Variants in PTPN21 observed in about 807,000 individuals in gnomAD.
The protein encoded by PTPN21 is protein tyrosine phosphatase non-receptor type 21.
A neutral mutation model predicts 131.8 loss-of-function variants in PTPN21; 77 were observed. The observed-to-expected ratio is 0.58, with a 90% confidence interval of 0.49 to 0.71. The LOEUF is 0.71. Among genes scored for constraint, PTPN21 ranks in the 30% least tolerant of loss-of-function variants. The probability of loss-of-function intolerance (pLI) is 0.00; values close to 1 mark genes in which losing one functional copy is unlikely to be tolerated. For missense variants in PTPN21, 1,552 were observed against 1,527.1 expected (o/e 1.02, Z -0.27); for synonymous variants, 715 against 621.3 (o/e 1.15, Z -2.24).
intron 2 of PTPN21, among the ~76,000 whole-genome samples, chr14:88,529,946 A>G (rs2139337463): frequency 6.6e-6 from 1 of 151,904 alleles, no homozygotes; most frequent in South Asian, 2.1e-4. Context: ...CACACCATGC[A>G]CTTCAGTCTG....
chr14:88,506,291 G>A (rs925922516), intron 4 of PTPN21, among the ~76,000 whole-genome samples: 3 of 152,192 alleles, frequency 2.0e-5, no homozygotes, highest in Admixed American at 6.5e-5. Context: ...AGTGCGCCAC[G>A]ATCACATCAC....
chr14:88,526,393 C>T (rs2078475796), intron 2 of PTPN21, among the ~76,000 whole-genome samples: 1 of 151,410 alleles, frequency 6.6e-6, no homozygotes. Context: ...ACTAAAAATA[C>T]AAAAAACTTA....
In PTPN21 at chr14:88,478,796, C is replaced by A. The variant is rs573823667; in HGVS notation, c.2511+124G>T. 4 of 526,474 alleles carry A rather than the reference C, an allele frequency of 7.6e-6. No homozygotes were observed. The South Asian group carries it at 2.5e-4, about 33-fold the overall frequency. The allele number at this position is 526,474 out of a possible 1,614,324, so 32.6% of individuals were successfully genotyped here. A position where few individuals can be genotyped will look rare whatever the true frequency, so the allele number is the denominator to read the frequency against. On this transcript the variant is annotated intron_variant, in intron 13 of 18. Transcript: ENST00000556564. ...TCAGAATTAGACAAAAAGAGAGTGACGTGGGGGAATGAAGAACGTTAAAAG... is the reference window on the plus strand; with the variant it reads ...TCAGAATTAGACAAAAAGAGAGTGAAGTGGGGGAATGAAGAACGTTAAAAG...
intron 2 of PTPN21, among the ~76,000 whole-genome samples, chr14:88,518,181 T>TCTGGGCAACAGAGTGAGC (rs1262676048): frequency 8.4e-6 from 1 of 119,678 alleles, no homozygotes; most frequent in Non-Finnish European, 1.7e-5. Flanking sequence ...CTGTTGTTCT[T>TCTGGGCAACAGAGTGAGC]CTGGGCAACA....
chr14:88,483,736 C>CT (rs1177894187), intron 12 of PTPN21, among the ~76,000 whole-genome samples: 2 of 152,194 alleles, frequency 1.3e-5, no homozygotes, highest in African/African-American at 4.8e-5. Flanking sequence ...ATCCACCCAT[C>CT]TTTTCAGATA....
intron 2 of PTPN21, among the ~76,000 whole-genome samples, chr14:88,525,725 A>G (rs1395708465): frequency 6.6e-6 from 1 of 152,226 alleles, no homozygotes; most frequent in Non-Finnish European, 1.5e-5. Context: ...ACTGAAAAAC[A>G]GGTGCTCAAG....
At chr14:88,496,380 T>C in intron 10 of PTPN21, 33 bp downstream of exon 10, 1 of 1,535,000 alleles carries the variant, frequency 6.5e-7, no homozygotes, top group Non-Finnish European at 9.0e-7. Context: ...AATTCATTAT[T>C]TTTGATAATT....
chr14:88,476,248 A>G (rs917871532), intron 13 of PTPN21, among the ~76,000 whole-genome samples: 15 of 152,248 alleles, frequency 9.9e-5, no homozygotes, highest in Admixed American at 3.9e-4. Context: ...ATGAAAGGTC[A>G]GAGGGTACAA....
At position 88,541,856 on chromosome 14, in the gene PTPN21, G is replaced by A. The variant is rs190219005; in HGVS notation, c.180+8382C>T. Among the ~76,000 whole-genome samples the A allele has an allele frequency of 1.1e-3, 161 of 152,328 alleles. 2 individuals are homozygous for A. In the East Asian group the frequency reaches 0.023, roughly 22 times the overall value. On this transcript the variant is annotated intron_variant, in intron 2 of 18. Transcript: ENST00000556564. ...CTTCCAGCATCTTTCACTCTGGGAA[G>A]TAGAAGACCAGGGAAGAAAGATCCT... is the stretch of plus-strand genomic sequence containing the variant.
At chr14:88,506,234 G>A (rs145292764) in intron 4 of PTPN21, among the ~76,000 whole-genome samples, 1,562 of 152,190 alleles carry the variant, frequency 0.01, 23 homozygotes, top group African/African-American at 0.035. Flanking sequence ...CAGCTACTTG[G>A]GAGGCTCAGG....
intron 12 of PTPN21, among the ~76,000 whole-genome samples, chr14:88,483,661 C>T (rs748696822): frequency 3.3e-5 from 5 of 152,156 alleles, no homozygotes; most frequent in African/African-American, 7.2e-5. Context: ...CTGTGCCTGG[C>T]GTTCACTATC....
chr14:88,538,837 G>A lies in PTPN21; in HGVS notation c.180+11401C>T, dbSNP rs536058083. Among the ~76,000 whole-genome samples, 10 of 152,306 alleles carry A rather than the reference G, an allele frequency of 6.6e-5. No individual in the cohort carries two copies. In the South Asian group the frequency reaches 2.1e-3, roughly 32 times the overall value. ...TCTCAGTTTTCCCATCAGTAAAATG[G>A]AGATGAGCATAACAGTGCCTCATAT... On this transcript the variant is annotated intron_variant, in intron 2 of 18. Coordinates refer to ENST00000556564, the MANE Select transcript of PTPN21 (RefSeq NM_007039.4).
At chr14:88,489,106 T>G (rs1240502900) in intron 10 of PTPN21, among the ~76,000 whole-genome samples, 5 of 152,266 alleles carry the variant, frequency 3.3e-5, no homozygotes, top group Non-Finnish European at 7.3e-5. Context: ...GTGTCCAACC[T>G]GCTCCCCAAC....
chr14:88,481,588 G>A (rs1278264390), intron 12 of PTPN21, among the ~76,000 whole-genome samples: 1 of 152,184 alleles, frequency 6.6e-6, no homozygotes, highest in Admixed American at 6.5e-5. Flanking sequence ...GCAAGAAAAG[G>A]GGAAAGGTAT....
chr14:88,491,208 G>A (rs2140116472), intron 10 of PTPN21, among the ~76,000 whole-genome samples: 1 of 152,290 alleles, frequency 6.6e-6, no homozygotes, highest in East Asian at 1.9e-4. Flanking sequence ...TTTGTTAGGG[G>A]GTGGAGGGAG....
At position 88,501,129 on chromosome 14, in the gene PTPN21, A is replaced by C. The variant is rs1595373954; in HGVS notation, c.675+152T>G. The C allele has an allele frequency of 6.6e-6, 5 of 754,490 alleles. No homozygotes were observed. The South Asian group carries it at 8.7e-5, about 13-fold the overall frequency. 46.7% of individuals were successfully genotyped at this position (754,490 alleles called of 1,614,324 possible). On this transcript the variant is annotated intron_variant, in intron 7 of 18. Coordinates refer to ENST00000556564, the MANE Select transcript of PTPN21 (RefSeq NM_007039.4). ...ACAAAATGGGAATGTGTTTTACCAC[A>C]AAACTTTGGTCACCAGGACCTCAGC...
chr14:88,489,947 G>C (rs1285601721), intron 10 of PTPN21, among the ~76,000 whole-genome samples: 1 of 151,952 alleles, frequency 6.6e-6, no homozygotes, highest in Non-Finnish European at 1.5e-5. Context: ...TCAGGTAACT[G>C]GGAAGGAATA....
rs139338619 is a variant in PTPN21, at chr14:88,485,142, C to T, written c.1012G>A (p.Val338Met). 74 of 1,602,188 alleles carry T rather than the reference C, an allele frequency of 4.6e-5. No homozygotes were observed. Among genetic ancestry groups the T allele is most frequent in the Middle Eastern group, 1.7e-4 (1 of 6,016 alleles). The change falls in exon 12 of 19, where the codon GTG becomes ATG. Residue 338 changes from valine to methionine, a missense_variant. Val to Met is a conservative substitution (Grantham distance 21). Around this residue, in one of 4 missense-constraint regions of PTPN21, gnomAD observed 1,016 missense variants for 883.5 expected, o/e 1.15. Coordinates refer to ENST00000556564, the MANE Select transcript of PTPN21 (RefSeq NM_007039.4). ...TGCAACTGCGGTGGGGGAGGCATCA[C>T]GTAGGGCTGGGGTTTAGGCTAAGAA... ...RMSLPKPQPY[V>M]MPPPPQLHYN...
At chr14:88,536,272 T>A (rs1027096131) in intron 2 of PTPN21, among the ~76,000 whole-genome samples, 2 of 152,242 alleles carry the variant, frequency 1.3e-5, no homozygotes, top group Non-Finnish European at 2.9e-5. Context: ...AGGATAGTTT[T>A]CAAAAAGTTA....
Sources: gnomAD v4.1 joint callset for allele counts (sites outside exome capture counted in the v4.1 genomes callset) on GRCh38, gnomAD v4.1.1 for gene constraint, gnomAD v4.1.1 regional missense constraint, MANE v1.5 for transcripts, NCBI Gene and HGNC (gene_info 2026-07-23, HGNC 2026-07-21) for gene names.